IGLL5: variants seen among roughly 807,000 people sequenced by gnomAD.
The protein encoded by IGLL5 is immunoglobulin lambda-like polypeptide 5.
A neutral mutation model predicts 20.9 loss-of-function variants in IGLL5; 30 were observed. The ratio of observed to expected loss-of-function variants is 1.44; its 90% confidence interval spans 1.07 to 1.95. The LOEUF (loss-of-function observed/expected upper bound fraction) is 1.95. Among genes scored for constraint, IGLL5 ranks in the 30% most tolerant of loss-of-function variants. IGLL5 has a pLI of 0.00. For synonymous variants in IGLL5, 203 were observed against 117.3 expected, an observed-to-expected ratio of 1.73 and a Z score of -4.72; for missense variants, 475 against 270.7, an observed-to-expected ratio of 1.75 and a Z score of -5.30.
rs3029157 is a variant in IGLL5 at position 22,890,553 on chromosome 22, TTGTGTGTGTGTGTGTGTGTGTG to T, written c.206+2320_206+2341del. Among the ~76,000 whole-genome samples, 559 of 120,980 alleles carry T rather than the reference TTGTGTGTGTGTGTGTGTGTGTG, an allele frequency of 4.6e-3. 16 individuals are homozygous for T. In the South Asian group the frequency reaches 0.083, roughly 18 times the overall value. 79.4% of individuals were successfully genotyped at this position (120,980 alleles called of 152,430 possible). A position where few individuals can be genotyped will look rare whatever the true frequency, so the allele number is the denominator to read the frequency against. On this transcript the variant is annotated intron_variant, in intron 1 of 2. Coordinates refer to ENST00000526893, the MANE Select transcript of IGLL5 (RefSeq NM_001178126.2). ...TGACAAATGATGCTGCAGTGGAAAT[TTGTGTGTGTGTGTGTGTGTGTG>T]TGTGTGTGTGTGTGTGTGTGTGTGT...
At position 22,888,129 on chromosome 22, in the gene IGLL5, C is replaced by CTGT. The variant is rs1569078183; in HGVS notation, c.78_79insTTG (p.Leu29dup). 1 of 1,548,504 alleles carries CTGT rather than the reference C, an allele frequency of 6.5e-7. No individual in the cohort carries two copies. ...CCCTGGTCCCAGGCAGCGCTGGCCC[C>CTGT]TGCTGCTGCTGGGTCTGGCCATGGT... On this transcript the variant is annotated inframe_insertion, in exon 1 of 3. Transcript: ENST00000526893.
chr22:22,895,372 C>T lies in IGLL5; in HGVS notation c.326-3C>T, dbSNP rs1226694851. ...TCTCTCACCCCCTTCCCTGTCCACA[C>T]AGGTCAGCCCAAGGCCAACCCCACT... On this transcript the variant is annotated splice_polypyrimidine_tract_variant and splice_region_variant and intron_variant, in intron 2 of 2. Coordinates refer to ENST00000526893, the MANE Select transcript of IGLL5 (RefSeq NM_001178126.2). 6.2e-7 allele frequency: 1 copy of T among 1,612,472 alleles called. No individual in the cohort carries two copies. Among genetic ancestry groups the T allele is most frequent in the East Asian group, 2.2e-5 (1 of 44,682 alleles).
At chr22:22,888,808 G>A (rs187174738) in intron 1 of IGLL5, among the ~76,000 whole-genome samples, 8 of 151,372 alleles carry the variant, frequency 5.3e-5, no homozygotes, top group South Asian at 2.1e-4. Context: ...ACCGAGGGGA[G>A]CTGTCCAGTC....
chr22:22,889,344 C>T (rs1472971101), intron 1 of IGLL5, among the ~76,000 whole-genome samples: 4 of 150,976 alleles, frequency 2.6e-5, no homozygotes, highest in Non-Finnish European at 4.4e-5. Context: ...TGTCTATGGG[C>T]ATTAAAAATG....
At chr22:22,888,988 C>T (rs187400662) in intron 1 of IGLL5, among the ~76,000 whole-genome samples, 10 of 151,242 alleles carry the variant, frequency 6.6e-5, no homozygotes, top group South Asian at 6.3e-4. Flanking sequence ...AGGCTGGGAG[C>T]TCCTGGGTGA....
In IGLL5 at chr22:22,893,987, G is replaced by A. The variant is rs151178621; in HGVS notation, c.325+169G>A. Among the ~76,000 whole-genome samples, 34 of 150,950 alleles carry A rather than the reference G, an allele frequency of 2.3e-4. 2 individuals are homozygous for A. In the South Asian group the frequency reaches 4.1e-3, roughly 18 times the overall value. ...TGCATTAGTCTCCGGGTAACCGGCA[G>A]GAAGGGCCTCCACAGTGGGAGCAGC... is the stretch of plus-strand genomic sequence containing the variant. On this transcript the variant is annotated intron_variant, in intron 2 of 2. Transcript: ENST00000526893.
chr22:22,888,683 TC>T (rs1481778148), intron 1 of IGLL5, among the ~76,000 whole-genome samples: 1 of 151,240 alleles, frequency 6.6e-6, no homozygotes, highest in African/African-American at 2.4e-5. Context: ...CAGGGGCCAC[TC>T]CCTGGAGAAG....
intron 1 of IGLL5, among the ~76,000 whole-genome samples, chr22:22,890,579 G>C (rs1016767393): frequency 6.9e-6 from 1 of 144,456 alleles, no homozygotes; most frequent in African/African-American, 2.5e-5. Flanking sequence ...GTGTGTGTGT[G>C]TGTGTGTGTG....
chr22:22,889,393 A>G (rs1423785963), intron 1 of IGLL5, among the ~76,000 whole-genome samples: 2 of 151,274 alleles, frequency 1.3e-5, no homozygotes, highest in South Asian at 2.1e-4. Context: ...TCAAAAAACA[A>G]AGTGTGTTTA....
chr22:22,894,007 A>T (rs1419530392), intron 2 of IGLL5, among the ~76,000 whole-genome samples, 189 bp downstream of exon 2: 4 of 151,328 alleles, frequency 2.6e-5, no homozygotes, highest in Admixed American at 1.3e-4. Flanking sequence ...CCACAGTGGG[A>T]GCAGCCGGAT....
rs774342744 is a variant in IGLL5, at chr22:22,888,112, C to A, written c.59C>A (p.Pro20His). 1 of 1,549,520 alleles carries A rather than the reference C, an allele frequency of 6.5e-7. No homozygotes were observed. The change falls in exon 1 of 3, where the codon CCC becomes CAC. Residue 20 changes from proline to histidine, a missense_variant. Coordinates refer to ENST00000526893, the MANE Select transcript of IGLL5 (RefSeq NM_001178126.2). ...ACCCCTGAGGAGCTGGGCCCTGGTC[C>A]CAGGCAGCGCTGGCCCCTGCTGCTG... ...CETPEELGPG[P>H]RQRWPLLLLG...
rs146537377 is a variant in IGLL5, at chr22:22,894,683, G to A, written c.326-692G>A. 6.7e-3 allele frequency among the ~76,000 whole-genome samples: 1,019 copies of A among 151,380 alleles called. 15 individuals are homozygous for A. Among genetic ancestry groups the A allele is most frequent in the African/African-American group, 0.023 (942 of 41,332 alleles). ...ATCACAGGCTGCTGGGGTGGGCCTGGGGGCTGCTGAGTCTCATAGTCTGTG... is the reference window on the plus strand; with the variant it reads ...ATCACAGGCTGCTGGGGTGGGCCTGAGGGCTGCTGAGTCTCATAGTCTGTG... On this transcript the variant is annotated intron_variant, in intron 2 of 2. Coordinates refer to ENST00000526893, the MANE Select transcript of IGLL5 (RefSeq NM_001178126.2).
intron 2 of IGLL5, among the ~76,000 whole-genome samples, chr22:22,894,268 C>T (rs185430807): frequency 1.1e-4 from 16 of 150,666 alleles, no homozygotes; most frequent in South Asian, 8.5e-4. Flanking sequence ...GGACTGGATG[C>T]CAATCCAGCC....
chr22:22,888,447 T>TAAG, intron 1 of IGLL5, among the ~76,000 whole-genome samples, 188 bp downstream of exon 1: 1 of 151,414 alleles, frequency 6.6e-6, no homozygotes, highest in Non-Finnish European at 1.5e-5. Flanking sequence ...CTGTTTTTAA[T>TAAG]ATCATATTAC....
chr22:22,889,589 C>T (rs7292358), intron 1 of IGLL5, among the ~76,000 whole-genome samples: 5,616 of 151,108 alleles, frequency 0.037, 369 homozygotes, highest in African/African-American at 0.13. Context: ...ATTTGGGGGA[C>T]TGTTGTTGTT....
rs551314681 is a variant in IGLL5, at chr22:22,894,701, A to T, written c.326-674A>T. 2.0e-5 allele frequency among the ~76,000 whole-genome samples: 3 copies of T among 151,318 alleles called. 1 individual carries two copies. Among genetic ancestry groups the T allele is most frequent in the Admixed American group, 2.0e-4 (3 of 15,148 alleles). ...GGGCCTGGGGGCTGCTGAGTCTCAT[A>T]GTCTGTGGGAGCAGCCCCAGGAACA... On this transcript the variant is annotated intron_variant, in intron 2 of 2. Coordinates refer to ENST00000526893, the MANE Select transcript of IGLL5 (RefSeq NM_001178126.2).
intron 2 of IGLL5, among the ~76,000 whole-genome samples, chr22:22,894,376 C>T (rs147707995): frequency 6.6e-6 from 1 of 151,426 alleles, no homozygotes; most frequent in Non-Finnish European, 1.5e-5. Flanking sequence ...AGCTCTGTGG[C>T]CTGTGCTGGG....
chr22:22,894,365 C>T (rs1601625820), intron 2 of IGLL5, among the ~76,000 whole-genome samples: 1 of 151,500 alleles, frequency 6.6e-6, no homozygotes, highest in African/African-American at 2.4e-5. Flanking sequence ...GTCTAGGCTG[C>T]AGCTCTGTGG....
intron 2 of IGLL5, among the ~76,000 whole-genome samples, chr22:22,895,082 GAGA>G (rs1257544501): frequency 6.6e-6 from 1 of 151,492 alleles, no homozygotes; most frequent in African/African-American, 2.4e-5. Context: ...CCAGAGATCA[GAGA>G]AGAAGGAACA....
Sources: gnomAD v4.1 joint callset for allele counts (sites outside exome capture counted in the v4.1 genomes callset) on GRCh38, gnomAD v4.1.1 for gene constraint, MANE v1.5 for transcripts, NCBI Gene and HGNC (gene_info 2026-07-23, HGNC 2026-07-21) for gene names.